The following ZNF462 variants were observed in gnomAD, a reference collection of about 807,000 sequenced individuals.
The protein encoded by ZNF462 is zinc finger PBX1-interacting protein.
A neutral mutation model predicts 201.9 loss-of-function variants in ZNF462; 10 were observed. That is an observed-to-expected ratio of 0.05 (90% CI 0.03 to 0.08). ZNF462 has a LOEUF of 0.08. ZNF462 is among the 10% of genes least tolerant of loss of function. ZNF462 has a pLI of 1.00. For synonymous variants in ZNF462, 1,227 were observed against 1,193.3 expected (o/e 1.03, Z -0.58); for missense variants, 2,523 against 3,168.3 (o/e 0.80, Z 4.89).
chr9:106,908,009 C>CT (rs898698313), intron 1 of ZNF462, among the ~76,000 whole-genome samples: 1 of 151,620 alleles, frequency 6.6e-6, no homozygotes, highest in African/African-American at 2.4e-5. Flanking sequence ...TGGGATTTTT[C>CT]TTTTTTTCTT....
rs1828518198 is a variant in ZNF462 at position 106,890,296 on chromosome 9, A to G, written c.-31+26941A>G. 6.6e-6 allele frequency among the ~76,000 whole-genome samples: 1 copy of G among 152,246 alleles called. No homozygotes were observed. The highest frequency in any genetic ancestry group is 1.9e-4 in the East Asian group (1 of 5,204). ...CAATCATTTGTGTGTGTGGACCTCA[A>G]GAATTTCAGTCAACCCGGCAACACA... On this transcript the variant is annotated intron_variant, in intron 1 of 12. Transcript: ENST00000277225. The surrounding 1 kb of genome is among the most constrained non-coding windows in gnomAD (Gnocchi z 4.2).
chr9:106,892,112 A>G lies in ZNF462; in HGVS notation c.-31+28757A>G, dbSNP rs558158408. On this transcript the variant is annotated intron_variant, in intron 1 of 12. Transcript: ENST00000277225. Reference sequence around the variant, plus strand: ...GATTAAGACATGAAGACTAGGTCTAAAATTGGTGGTGGCCCAAGGTCATTG... The same window carrying G: ...GATTAAGACATGAAGACTAGGTCTAGAATTGGTGGTGGCCCAAGGTCATTG... Among the ~76,000 whole-genome samples the G allele has an allele frequency of 1.4e-4, 22 of 152,340 alleles. No individual in the cohort carries two copies. In the East Asian group the frequency reaches 4.2e-3, roughly 29 times the overall value.
At chr9:106,893,421 C>T (rs1207240067) in intron 1 of ZNF462, among the ~76,000 whole-genome samples, 4 of 152,138 alleles carry the variant, frequency 2.6e-5, no homozygotes, top group Non-Finnish European at 5.9e-5. Context: ...TAGAGTAGTC[C>T]TTGGAGTCAG....
rs1830740809 is a variant in ZNF462, at chr9:106,938,810, T to TGC, written c.6236-103_6236-102dup. 5.9e-6 allele frequency: 7 copies of TGC among 1,187,932 alleles called. No homozygotes were observed. Among genetic ancestry groups the TGC allele is most frequent in the Non-Finnish European group, 8.2e-6 (7 of 853,518 alleles). The allele number at this position is 1,187,932 out of a possible 1,614,324, so 73.6% of individuals were successfully genotyped here. A position where few individuals can be genotyped will look rare whatever the true frequency, so the allele number is the denominator to read the frequency against. On this transcript the variant is annotated intron_variant, in intron 6 of 12. Transcript: ENST00000277225. The surrounding 1 kb of genome is among the most constrained non-coding windows in gnomAD (Gnocchi z 4.4). ...CGTTCATAGAACATGAAGCTTGAGA[T>TGC]GCGCTTCTCTAGCATGAGTTAACTG...
At chr9:106,864,060 C>CTCTCTCTCTCTG (rs1827189664) in intron 1 of ZNF462, among the ~76,000 whole-genome samples, 10 of 86,440 alleles carry the variant, frequency 1.2e-4, no homozygotes, top group South Asian at 4.6e-4. Context: ...CTCTCTCTCT[C>CTCTCTCTCTCTG]TCTCTCTCTC....
At chr9:106,960,848 T>C (rs906189522) in intron 7 of ZNF462, among the ~76,000 whole-genome samples, 1 of 152,100 alleles carries the variant, frequency 6.6e-6, no homozygotes, top group Non-Finnish European at 1.5e-5. Flanking sequence ...AAGTTATGCT[T>C]CTGTTTCTTC....
chr9:106,869,443 A>G (rs527393194), intron 1 of ZNF462, among the ~76,000 whole-genome samples: 13 of 152,348 alleles, frequency 8.5e-5, no homozygotes, highest in African/African-American at 2.9e-4. Flanking sequence ...GAAGGGTGCA[A>G]TGGGTTTCCA....
rs550408928 is a variant in ZNF462 at position 106,928,750 on chromosome 9, C to T, written c.4838C>T (p.Pro1613Leu). Residue 1613 changes from proline to leucine, a missense_variant, in exon 3 of 13, where the codon CCG becomes CTG. Pro to Leu is a moderately conservative substitution (Grantham distance 98). Coordinates refer to ENST00000277225, the MANE Select transcript of ZNF462 (RefSeq NM_021224.6). The surrounding 1 kb of genome is among the most constrained non-coding windows in gnomAD (Gnocchi z 9.3). ...TTTGATGTCTTTTCCCAGTCGCCCC[C>T]GAAGCTGCCAGTCCCCCTCGAGCCC... ...PEFDVFSQSP[P>L]KLPVPLEPEM... 72 of 1,614,114 alleles carry T rather than the reference C, an allele frequency of 4.5e-5. No individual in the cohort carries two copies. Among genetic ancestry groups the T allele is most frequent in the South Asian group, 1.4e-4 (13 of 91,076 alleles).
In ZNF462 at chr9:107,003,298, G is replaced by C. The variant is rs572770750; in HGVS notation, c.7061G>C (p.Ser2354Thr). Residue 2354 changes from serine (S) to threonine (T), a missense_variant, in exon 11 of 13, where the codon AGC becomes ACC. By Grantham distance (58) the Ser-to-Thr change is moderately conservative (BLOSUM62 1). Transcript: ENST00000277225. The surrounding 1 kb of genome is among the most constrained non-coding windows in gnomAD (Gnocchi z 4.4). ...DSHLRDEHKV[S>T]RNFELVGRVN... is the part of the protein sequence containing the mutation. Reference sequence around the variant, plus strand: ...ATTTGTTTGGGCCTTTTTCAGGTAAGCCGTAACTTTGAGCTGGTTGGACGG... The same window carrying C: ...ATTTGTTTGGGCCTTTTTCAGGTAACCCGTAACTTTGAGCTGGTTGGACGG... The C allele has an allele frequency of 5.0e-6, 8 of 1,613,604 alleles. No homozygotes were observed. Among genetic ancestry groups the C allele is most frequent in the Non-Finnish European group, 6.8e-6 (8 of 1,179,716 alleles).
chr9:106,887,381 G>A (rs1828366665), intron 1 of ZNF462, among the ~76,000 whole-genome samples: 3 of 152,146 alleles, frequency 2.0e-5, no homozygotes, highest in African/African-American at 4.8e-5. Flanking sequence ...GTAAATGGAA[G>A]TATAAAAACA....
chr9:106,964,029 G>T (rs1042788356), intron 7 of ZNF462, among the ~76,000 whole-genome samples: 2 of 151,828 alleles, frequency 1.3e-5, no homozygotes, highest in African/African-American at 4.8e-5. Flanking sequence ...GTGTGTGTGT[G>T]TGTGTGTGTG....
chr9:106,912,197 T>C (rs1445787029), intron 1 of ZNF462, among the ~76,000 whole-genome samples: 1 of 152,196 alleles, frequency 6.6e-6, no homozygotes, highest in Admixed American at 6.5e-5. Context: ...AGATGATGTT[T>C]CTCGTGGGGT....
chr9:106,928,435 A>G lies in ZNF462; in HGVS notation c.4523A>G (p.Asp1508Gly). The change falls in exon 3 of 13, where the codon GAC (aspartate) becomes GGC (glycine). Residue 1508 changes from aspartate (D) to glycine (G), a missense_variant. Physicochemically the swap from Asp to Gly is moderately conservative, Grantham distance 94. Around this residue, in one of 15 missense-constraint regions of ZNF462, gnomAD observed 200 missense variants for 281.3 expected, o/e 0.71. Coordinates refer to ENST00000277225, the MANE Select transcript of ZNF462 (RefSeq NM_021224.6). The surrounding 1 kb of genome is among the most constrained non-coding windows in gnomAD (Gnocchi z 9.3). ...GCTGCTGACTTTGCCCAGGACATTG[A>G]CATCAACCCAGGTGCCGTCTACAAA... ...VKAADFAQDI[D>G]INPGAVYKCR... 6.2e-7 allele frequency: 1 copy of G among 1,614,118 alleles called. No homozygotes were observed. The highest frequency in any genetic ancestry group is 8.5e-7 in the Non-Finnish European group (1 of 1,180,022).
chr9:106,911,311 A>G (rs1490030556), intron 1 of ZNF462, among the ~76,000 whole-genome samples: 1 of 152,186 alleles, frequency 6.6e-6, no homozygotes, highest in Admixed American at 6.5e-5. Flanking sequence ...CTGTGTAGCT[A>G]TTATTGCATT....
intron 1 of ZNF462, among the ~76,000 whole-genome samples, chr9:106,882,853 T>C (rs1353442858): frequency 6.6e-6 from 1 of 152,062 alleles, no homozygotes; most frequent in Admixed American, 6.6e-5. Flanking sequence ...TTTTGTAGGG[T>C]AAATTGGTGG....
chr9:106,941,081 C>T (rs1039601111), intron 7 of ZNF462, among the ~76,000 whole-genome samples: 2 of 152,100 alleles, frequency 1.3e-5, no homozygotes, highest in Non-Finnish European at 2.9e-5. Context: ...TTTCCTTTGT[C>T]TGTCTTCCTT....
intron 1 of ZNF462, among the ~76,000 whole-genome samples, chr9:106,899,193 G>GGA (rs143076514): frequency 3.2e-3 from 431 of 134,962 alleles, no homozygotes; most frequent in East Asian, 0.013. Context: ...AGAGGGACAT[G>GGA]GAGAGAGAGA....
intron 1 of ZNF462, among the ~76,000 whole-genome samples, chr9:106,898,118 T>C (rs1828889877): frequency 6.6e-6 from 1 of 152,268 alleles, no homozygotes; most frequent in Admixed American, 6.5e-5. Flanking sequence ...CTTGAAACTT[T>C]GTTATTAAAC....
intron 1 of ZNF462, among the ~76,000 whole-genome samples, chr9:106,879,705 AG>A (rs1828008432): frequency 6.6e-6 from 1 of 152,156 alleles, no homozygotes; most frequent in Non-Finnish European, 1.5e-5. Flanking sequence ...GAATGGTTCC[AG>A]TGATTCTGCA....
Sources: allele counts gnomAD v4.1 joint callset (sites outside exome capture counted in the v4.1 genomes callset), GRCh38; gene constraint gnomAD v4.1.1; regional missense constraint gnomAD v4.1.1; non-coding constraint Gnocchi (gnomAD v3.1); transcripts MANE v1.5; gene names NCBI Gene and HGNC (gene_info 2026-07-23, HGNC 2026-07-21).